The following ARHGAP24 variants were observed in gnomAD, a reference collection of about 807,000 sequenced individuals.
ARHGAP24 encodes the protein rho GTPase-activating protein 24.
A neutral mutation model predicts 76.4 loss-of-function variants in ARHGAP24; 50 were observed. That is an observed-to-expected ratio of 0.65 (90% CI 0.52 to 0.83). ARHGAP24 has a LOEUF of 0.83. ARHGAP24 is among the 40% of genes least tolerant of loss of function. The pLI, the probability that ARHGAP24 is intolerant of heterozygous loss-of-function variation, is 0.00. For synonymous variants in ARHGAP24, 345 were observed against 323.3 expected (o/e 1.07, Z -0.72); for missense variants, 930 against 914.2 (o/e 1.02, Z -0.22).
rs1734781618 is a variant in ARHGAP24 at position 85,906,605 on chromosome 4, G to A, written c.269-17043G>A. On this transcript the variant is annotated intron_variant, in intron 3 of 9. Transcript: ENST00000395184. ...AGCTTTACAAGCTAACATAAACTAAGAGCAAAAGATGCCTGAAAATTATAG... is the reference window on the plus strand; with the variant it reads ...AGCTTTACAAGCTAACATAAACTAAAAGCAAAAGATGCCTGAAAATTATAG... Among the ~76,000 whole-genome samples the A allele has an allele frequency of 1.3e-5, 2 of 152,068 alleles. 1 individual carries two copies. Among genetic ancestry groups the A allele is most frequent in the South Asian group, 4.1e-4 (2 of 4,822 alleles).
chr4:85,655,788 TATATAG>T (rs1177796100), intron 2 of ARHGAP24, among the ~76,000 whole-genome samples: 20 of 49,536 alleles, frequency 4.0e-4, no homozygotes, highest in Admixed American at 1.5e-3. Context: ...TATATATATA[TATATAG>T]AGAGAGAGAG....
intron 2 of ARHGAP24, among the ~76,000 whole-genome samples, chr4:85,606,056 G>A (rs1640798561): frequency 6.6e-6 from 1 of 152,124 alleles, no homozygotes; most frequent in Admixed American, 6.5e-5. Context: ...TCAGCAAGTG[G>A]AAAATTACAA....
At position 86,000,698 on chromosome 4, in the gene ARHGAP24, A is replaced by G; in HGVS notation, c.2223A>G (p.Arg741=). ...CAGTGGAACCCAGGAGAACCGAGAG[A>G]GGAAACACAATATGGATTCAGTGAG... The part of the protein sequence containing the change: ...ELTVEPRRTE[R]GNTIWIQ The change falls in exon 10 of 10, where the codon AGA becomes AGG. Residue 741 remains arginine, a synonymous_variant. Transcript: ENST00000395184. The G allele has an allele frequency of 6.2e-7, 1 of 1,613,944 alleles. No homozygotes were observed. Among genetic ancestry groups the G allele is most frequent in the South Asian group, 1.1e-5 (1 of 91,070 alleles).
intron 4 of ARHGAP24, among the ~76,000 whole-genome samples, chr4:85,936,452 T>C (rs1047326793): frequency 6.6e-6 from 1 of 152,082 alleles, no homozygotes; most frequent in Non-Finnish European, 1.5e-5. Flanking sequence ...TTGGAGTCCT[T>C]TATACCTGGG....
chr4:85,739,040 T>G (rs1300819832), intron 3 of ARHGAP24, among the ~76,000 whole-genome samples: 3 of 152,238 alleles, frequency 2.0e-5, no homozygotes, highest in Non-Finnish European at 4.4e-5. Flanking sequence ...TTTGATGTTA[T>G]TAAAGCCTTG....
At chr4:85,623,890 T>TTTGG (rs201507022) in intron 2 of ARHGAP24, among the ~76,000 whole-genome samples, 1 of 148,534 alleles carries the variant, frequency 6.7e-6, no homozygotes, top group Admixed American at 6.8e-5. Context: ...TGGCTCTCTG[T>TTTGG]CTGTTATTGG....
chr4:85,861,277 G>A (rs74819601), intron 3 of ARHGAP24, among the ~76,000 whole-genome samples: 2 of 151,980 alleles, frequency 1.3e-5, no homozygotes, highest in Non-Finnish European at 2.9e-5. Context: ...TTACATTCTG[G>A]TGATCACCCT....
intron 2 of ARHGAP24, among the ~76,000 whole-genome samples, chr4:85,699,877 G>C (rs941352467): frequency 6.6e-6 from 1 of 151,976 alleles, no homozygotes; most frequent in Non-Finnish European, 1.5e-5. Context: ...ATAGTGCCTG[G>C]CCCATAGTAG....
chr4:85,652,620 G>A (rs1721986772), intron 2 of ARHGAP24, among the ~76,000 whole-genome samples: 1 of 152,138 alleles, frequency 6.6e-6, no homozygotes, highest in African/African-American at 2.4e-5. Context: ...TCATTCTAGA[G>A]CCAGTTCTTA....
chr4:85,775,714 T>C (rs1178259243), intron 3 of ARHGAP24, among the ~76,000 whole-genome samples: 2 of 151,914 alleles, frequency 1.3e-5, no homozygotes, highest in South Asian at 2.1e-4. Flanking sequence ...CTAAATCATG[T>C]AGTACATAGG....
At chr4:85,869,996 T>C (rs1014843550) in intron 3 of ARHGAP24, among the ~76,000 whole-genome samples, 12 of 152,158 alleles carry the variant, frequency 7.9e-5, no homozygotes, top group Admixed American at 5.2e-4. Context: ...TTCTGTACCT[T>C]AATTTCATCA....
chr4:85,619,583 C>T (rs1049022883), intron 2 of ARHGAP24, among the ~76,000 whole-genome samples: 2 of 151,562 alleles, frequency 1.3e-5, no homozygotes, highest in African/African-American at 4.8e-5. Context: ...TTCTGCCAAT[C>T]CACAAACACA....
intron 2 of ARHGAP24, among the ~76,000 whole-genome samples, chr4:85,667,166 C>A (rs1046076308): frequency 6.6e-6 from 1 of 152,180 alleles, no homozygotes; most frequent in Non-Finnish European, 1.5e-5. Context: ...TGGAGCTTCC[C>A]AGCTGTTTTG....
At chr4:85,760,705 G>T (rs576065240) in intron 3 of ARHGAP24, among the ~76,000 whole-genome samples, 2 of 152,112 alleles carry the variant, frequency 1.3e-5, no homozygotes, top group Non-Finnish European at 2.9e-5. Context: ...AGAACAGAAG[G>T]CCCGAAGCCA....
intron 3 of ARHGAP24, among the ~76,000 whole-genome samples, chr4:85,864,327 T>A (rs1488197652): frequency 6.6e-6 from 1 of 152,014 alleles, no homozygotes; most frequent in African/African-American, 2.4e-5. Flanking sequence ...GGCTTGGGGG[T>A]ACATTTGTTA....
At chr4:85,972,725 C>A (rs1739062281) in intron 6 of ARHGAP24, among the ~76,000 whole-genome samples, 1 of 152,042 alleles carries the variant, frequency 6.6e-6, no homozygotes, top group Non-Finnish European at 1.5e-5. Flanking sequence ...AAAATAAACC[C>A]CATACCCTCT....
intron 1 of ARHGAP24, among the ~76,000 whole-genome samples, chr4:85,511,361 G>A (rs1292545569): frequency 1.3e-5 from 2 of 152,132 alleles, no homozygotes; most frequent in Non-Finnish European, 2.9e-5. Flanking sequence ...GTTAGGCACT[G>A]TATTAGTTTT....
chr4:85,769,274 T>G (rs1351187393), intron 3 of ARHGAP24, among the ~76,000 whole-genome samples: 3 of 152,194 alleles, frequency 2.0e-5, no homozygotes, highest in Admixed American at 6.5e-5. Context: ...AAACATTTAT[T>G]AGGTAGTCAT....
intron 3 of ARHGAP24, among the ~76,000 whole-genome samples, chr4:85,872,773 T>A (rs1186558970): frequency 1.4e-5 from 2 of 142,402 alleles, no homozygotes; most frequent in Non-Finnish European, 3.0e-5. Flanking sequence ...AACTTTTGTA[T>A]TTTTTTTTGT....
Sources: allele counts gnomAD v4.1 joint callset (sites outside exome capture counted in the v4.1 genomes callset), GRCh38; gene constraint gnomAD v4.1.1; transcripts MANE v1.5; gene names NCBI Gene and HGNC (gene_info 2026-07-23, HGNC 2026-07-21).